The following SLC44A4 variants were observed in gnomAD, a reference collection of about 807,000 sequenced individuals.
SLC44A4 encodes solute carrier family 44 member 4, also known as choline transporter-like protein 4.
A neutral mutation model predicts 97.0 loss-of-function variants in SLC44A4; 74 were observed. That is an observed-to-expected ratio of 0.76 (90% CI 0.63 to 0.93). SLC44A4 has a LOEUF of 0.93. Ranked by LOEUF, SLC44A4 falls within the 40% of genes least tolerant of loss-of-function variation. The pLI, the probability that SLC44A4 is intolerant of heterozygous loss-of-function variation, is 0.00. For synonymous variants in SLC44A4, 325 were observed against 363.8 expected (o/e 0.89, Z 1.21); for missense variants, 799 against 902.9 (o/e 0.88, Z 1.48).
At chr6:31,866,719 C>A (rs1001764013) in intron 13 of SLC44A4, among the ~76,000 whole-genome samples, 1 of 152,036 alleles carries the variant, frequency 6.6e-6, no homozygotes, top group African/African-American at 2.4e-5. Flanking sequence ...ATGGTGAAAT[C>A]CCATCTCTAC....
At position 31,865,702 on chromosome 6, in the gene SLC44A4, G is replaced by A. The variant is rs767780876; in HGVS notation, c.1570C>T (p.His524Tyr). 6.2e-7 allele frequency: 1 copy of A among 1,613,260 alleles called. No homozygotes were observed. The highest frequency in any genetic ancestry group is 1.7e-5 in the Admixed American group (1 of 60,010). ...IARVILEYID[H>Y]KLRGVQNPVA... is the part of the protein sequence containing the mutation. ...ACTCCAGACTCACCTCTGAGCTTGT[G>A]GTCAATATACTCCAAGATGACCCGG... The change falls in exon 15 of 21, where the codon CAC becomes TAC. Residue 524 changes from histidine (H) to tyrosine (Y), a missense_variant. Around this residue, in one of 3 missense-constraint regions of SLC44A4, gnomAD observed 379 missense variants for 438.3 expected, o/e 0.86. Transcript: ENST00000229729. This position sits in a 1 kb window ranked among gnomAD's most constrained non-coding sequence, Gnocchi z 5.2.
At chr6:31,869,691 A>T (rs916319727) in intron 11 of SLC44A4, 54 bp from the exon 12 acceptor site, 2 of 1,470,144 alleles carry the variant, frequency 1.4e-6, no homozygotes, top group Admixed American at 3.9e-5. Context: ...CATCTTCTCA[A>T]GGGGCTGACC....
rs1403632563 is a variant in SLC44A4 at position 31,878,904 on chromosome 6, T to G, written c.40+37A>C. 2 of 1,609,682 alleles carry G rather than the reference T, an allele frequency of 1.2e-6. No homozygotes were observed. The highest frequency in any genetic ancestry group is 3.3e-5 in the Admixed American group (2 of 59,978). On this transcript the variant is annotated intron_variant, in intron 1 of 20. Coordinates refer to ENST00000229729, the MANE Select transcript of SLC44A4 (RefSeq NM_025257.3). The surrounding 1 kb of genome is among the most constrained non-coding windows in gnomAD (Gnocchi z 4.0). ...CATTCCCAAAGTACCCGTCCTCCCCTCCCTCCACAGGGTCCCGGGCCTCGC... is the reference window on the plus strand; with the variant it reads ...CATTCCCAAAGTACCCGTCCTCCCCGCCCTCCACAGGGTCCCGGGCCTCGC...
At chr6:31,873,680 A>G (rs1250153759) in intron 7 of SLC44A4, among the ~76,000 whole-genome samples, 2 of 151,632 alleles carry the variant, frequency 1.3e-5, no homozygotes, top group African/African-American at 2.4e-5. Flanking sequence ...GCACACTGTA[A>G]AAGAAAAAAA....
Position 31,874,340 on chromosome 6 carries a change from A to T in SLC44A4, c.529+120T>A. ...AAGAGCAAAATGAAGACCTGATGCT[A>T]ATTCCAATTTTGCCACCAACAAGCT... On this transcript the variant is annotated intron_variant, in intron 7 of 20. Coordinates refer to ENST00000229729, the MANE Select transcript of SLC44A4 (RefSeq NM_025257.3). This position sits in a 1 kb window ranked among gnomAD's most constrained non-coding sequence, Gnocchi z 4.8. 9.3e-7 allele frequency: 1 copy of T among 1,072,482 alleles called. No individual in the cohort carries two copies. The highest frequency in any genetic ancestry group is 1.4e-6 in the Non-Finnish European group (1 of 707,948). 66.4% of individuals were successfully genotyped at this position (1,072,482 alleles called of 1,614,324 possible).
chr6:31,878,415 C>T lies in SLC44A4; in HGVS notation c.40+526G>A, dbSNP rs1457476394. On this transcript the variant is annotated intron_variant, in intron 1 of 20. Transcript: ENST00000229729. The surrounding 1 kb of genome is among the most constrained non-coding windows in gnomAD (Gnocchi z 4.0). ...CCCAGAGACCCTGGCAGGCAGAGGC[C>T]AGCCCACTCAGGGTCCCCTCACTCC... Among the ~76,000 whole-genome samples, 5 of 151,942 alleles carry T rather than the reference C, an allele frequency of 3.3e-5. No individual in the cohort carries two copies. The East Asian group carries it at 9.7e-4, about 29-fold the overall frequency.
chr6:31,869,996 AAGG>A (rs1350294810), intron 11 of SLC44A4, among the ~76,000 whole-genome samples: 1 of 141,416 alleles, frequency 7.1e-6, no homozygotes, highest in Non-Finnish European at 1.5e-5. Context: ...AAAAAAAAAA[AAGG>A]GGGGGGCTGA....
chr6:31,865,775 A>G lies in SLC44A4; in HGVS notation c.1497T>C (p.Thr499=). The G allele has an allele frequency of 6.2e-7, 1 of 1,613,890 alleles. No individual in the cohort carries two copies. Among genetic ancestry groups the G allele is most frequent in the Non-Finnish European group, 8.5e-7 (1 of 1,179,938 alleles). The change falls in exon 15 of 21, where the codon ACT becomes ACC. Residue 499 remains threonine, a synonymous_variant. Transcript: ENST00000229729. This position sits in a 1 kb window ranked among gnomAD's most constrained non-coding sequence, Gnocchi z 5.2. ...TGAGGGCTCCAAATGCCAATGACCC[A>G]GTGTGGTAACTGCAGAGGGTGTTAT... The part of the protein sequence containing the change: ...SAFIRTLRYH[T]GSLAFGALIL...
intron 20 of SLC44A4, 55 bp downstream of exon 20, chr6:31,864,597 C>A: frequency 1.4e-6 from 2 of 1,462,824 alleles, no homozygotes; most frequent in Non-Finnish European, 1.9e-6. Context: ...AAAAAAAATG[C>A]TTGAACGGCT....
In SLC44A4 at chr6:31,869,253, G is replaced by A; in HGVS notation, c.1135C>T (p.Leu379=). The change falls in exon 13 of 21, where the codon CTG becomes TTG. Residue 379 remains leucine, a synonymous_variant. Transcript: ENST00000229729. Reference sequence around the variant, plus strand: ...TACTGGGGTTGCCCCGATGTAGCCAGGTACCCAGAGGGGAGTCAAGGAAAG... The same window carrying A: ...TACTGGGGTTGCCCCGATGTAGCCAAGTACCCAGAGGGGAGTCAAGGAAAG... ...IAYWAMTALY[L]ATSGQPQYVL... 6.2e-7 allele frequency: 1 copy of A among 1,603,006 alleles called. No individual in the cohort carries two copies. The highest frequency in any genetic ancestry group is 1.3e-5 in the African/African-American group (1 of 74,694).
rs1313351298 is a variant in SLC44A4 at position 31,876,792 on chromosome 6, G to A, written c.89+242C>T. 1.3e-5 allele frequency among the ~76,000 whole-genome samples: 2 copies of A among 152,186 alleles called. No homozygotes were observed. Among genetic ancestry groups the A allele is most frequent in the Non-Finnish European group, 2.9e-5 (2 of 68,036 alleles). ...ACACAACTCGCAAGGGCTCAGCTGGGTGAGTTCTCTCGCTTGTGAAGCCGG... is the reference window on the plus strand; with the variant it reads ...ACACAACTCGCAAGGGCTCAGCTGGATGAGTTCTCTCGCTTGTGAAGCCGG... On this transcript the variant is annotated intron_variant, in intron 2 of 20. Coordinates refer to ENST00000229729, the MANE Select transcript of SLC44A4 (RefSeq NM_025257.3). This position sits in a 1 kb window ranked among gnomAD's most constrained non-coding sequence, Gnocchi z 4.8.
Position 31,865,073 on chromosome 6 carries a change from C to A in SLC44A4, c.1768G>T (p.Val590Phe). ...LLMRNIVRVVVLDKVTDLLLF... is the reference protein window; with the variant it reads ...LLMRNIVRVVFLDKVTDLLLF... ...AGCAGGTCTGTGACTTTGTCCAGGA[C>A]GACCACCCTGTGCCAGAAGTTAGGG... is the stretch of plus-strand genomic sequence containing the variant. Residue 590 changes from valine to phenylalanine, a missense_variant, in exon 18 of 21, where the codon GTC (valine) becomes TTC (phenylalanine). Val to Phe is a conservative substitution (Grantham distance 50, BLOSUM62 -1). Transcript: ENST00000229729. This position sits in a 1 kb window ranked among gnomAD's most constrained non-coding sequence, Gnocchi z 5.2. 1.2e-6 allele frequency: 2 copies of A among 1,613,350 alleles called. No homozygotes were observed. The highest frequency in any genetic ancestry group is 1.7e-6 in the Non-Finnish European group (2 of 1,180,026).
At position 31,864,701 on chromosome 6, in the gene SLC44A4, G is replaced by A. The variant is rs1252643449; in HGVS notation, c.1962C>T (p.Gly654=). 1 of 1,614,104 alleles carries A rather than the reference G, an allele frequency of 6.2e-7. No individual in the cohort carries two copies. Among genetic ancestry groups the A allele is most frequent in the Non-Finnish European group, 8.5e-7 (1 of 1,180,018 alleles). Residue 654 remains glycine, a synonymous_variant, in exon 20 of 21, where the codon GGC becomes GGT. Transcript: ENST00000229729. ...CACACATGCCGAAAACGCTGAAGAA[G>A]CCGCTGGCGATGACATAGGCCCCCA... is the stretch of plus-strand genomic sequence containing the variant. The part of the protein sequence containing the change: ...SILGAYVIAS[G]FFSVFGMCVD...
Position 31,876,254 on chromosome 6 carries a change from T to C in SLC44A4, c.90-125A>G. 1 of 658,254 alleles carries C rather than the reference T, an allele frequency of 1.5e-6. No homozygotes were observed. Among genetic ancestry groups the C allele is most frequent in the South Asian group, 2.0e-5 (1 of 49,164 alleles). 40.8% of individuals were successfully genotyped at this position (658,254 alleles called of 1,614,324 possible). On this transcript the variant is annotated intron_variant, in intron 2 of 20. Transcript: ENST00000229729. The surrounding 1 kb of genome is among the most constrained non-coding windows in gnomAD (Gnocchi z 4.8). The stretch of plus-strand genomic sequence containing the variant: ...AGCATGGGCATCAGTAGGCTTTATT[T>C]TTATTTTTTTATTGCTTTTACTTTT...
intron 20 of SLC44A4, chr6:31,864,355 C>T (rs1380368373): frequency 5.8e-6 from 3 of 513,556 alleles, no homozygotes; most frequent in African/African-American, 1.9e-5. Flanking sequence ...GCATGACAGG[C>T]GTGAGCCACC....
In SLC44A4 at chr6:31,871,314, A is replaced by C. The variant is rs753328676; in HGVS notation, c.701T>G (p.Val234Gly). Reference sequence around the variant, plus strand: ...AGAGGAGGGGAATCTGGTGACTCACACAAGAATCCAATACCAGGACTGGGC... The same window carrying C: ...AGAGGAGGGGAATCTGGTGACTCACCCAAGAATCCAATACCAGGACTGGGC... ...DFAQSWYWIL[V>G]ALGVALVLSL... The change falls in exon 9 of 21, where the codon GTT (valine) becomes GGT (glycine). Residue 234 changes from valine (V) to glycine (G), a missense_variant and splice_region_variant. Around this residue, in one of 3 missense-constraint regions of SLC44A4, gnomAD observed 409 missense variants for 434.1 expected, o/e 0.94. Coordinates refer to ENST00000229729, the MANE Select transcript of SLC44A4 (RefSeq NM_025257.3). 6.2e-6 allele frequency: 10 copies of C among 1,613,544 alleles called. No homozygotes were observed. The highest frequency in any genetic ancestry group is 1.3e-5 in the African/African-American group (1 of 74,910).
At chr6:31,871,585 G>A in intron 7 of SLC44A4, 24 bp from the exon 8 acceptor site, 3 of 1,590,714 alleles carry the variant, frequency 1.9e-6, no homozygotes, top group Non-Finnish European at 2.6e-6. Flanking sequence ...CCGGGCTGCT[G>A]GGTTGGGGGC....
At chr6:31,875,688 C>T (rs1364450812) in intron 4 of SLC44A4, 164 bp downstream of exon 4, 2 of 647,562 alleles carry the variant, frequency 3.1e-6, no homozygotes, top group East Asian at 2.6e-5. Context: ...TGGTTCTTAA[C>T]GTGGCCTGGA....
In SLC44A4 at chr6:31,865,676, G is replaced by A. The variant is rs56188416; in HGVS notation, c.1582+14C>T. The A allele has an allele frequency of 9.8e-3, 15,817 of 1,612,902 alleles. 213 individuals carry two copies. The highest frequency in any genetic ancestry group is 0.098 in the Middle Eastern group (592 of 6,060). On this transcript the variant is annotated intron_variant, in intron 15 of 20. Coordinates refer to ENST00000229729, the MANE Select transcript of SLC44A4 (RefSeq NM_025257.3). The surrounding 1 kb of genome is among the most constrained non-coding windows in gnomAD (Gnocchi z 5.2). ...TTCCCCAGCTCCTGACTCCTACTCC[G>A]ACTCCAGACTCACCTCTGAGCTTGT...
Sources: allele counts gnomAD v4.1 joint callset (sites outside exome capture counted in the v4.1 genomes callset), GRCh38; gene constraint gnomAD v4.1.1; regional missense constraint gnomAD v4.1.1; non-coding constraint Gnocchi (gnomAD v3.1); transcripts MANE v1.5; gene names NCBI Gene and HGNC (gene_info 2026-07-23, HGNC 2026-07-21).